The following ADGRL4 variants were observed in gnomAD, a reference collection of about 807,000 sequenced individuals.
ADGRL4 encodes EGF, latrophilin and seven transmembrane domain containing 1.
ADGRL4 carries 90 observed loss-of-function variants against 74.8 expected under a neutral mutation model. That is an observed-to-expected ratio of 1.20 (90% CI 1.02 to 1.43). The LOEUF (loss-of-function observed/expected upper bound fraction) is 1.43. Among genes scored for constraint, ADGRL4 ranks in the 40% most tolerant of loss-of-function variants. ADGRL4 has a pLI of 0.00. For synonymous variants in ADGRL4, 311 were observed against 279.2 expected (o/e 1.11, Z -1.14); for missense variants, 881 against 814.3 (o/e 1.08, Z -1.00).
chr1:79,004,106 T>C (rs1447874803), intron 2 of ADGRL4, among the ~76,000 whole-genome samples: 2 of 152,098 alleles, frequency 1.3e-5, no homozygotes, highest in Admixed American at 1.3e-4. Flanking sequence ...TTGTTTTTGT[T>C]GTAAGCAAAC....
At position 78,897,111 on chromosome 1, in the gene ADGRL4, G is replaced by T. The variant is rs1437076818; in HGVS notation, c.1750-3922C>A. The stretch of plus-strand genomic sequence containing the variant: ...TTTATGGAAATGTAGAGAATGATGA[G>T]TATTCTTTACTGTTTTGTACAATGC... On this transcript the variant is annotated intron_variant, in intron 12 of 14. Transcript: ENST00000370742. Among the ~76,000 whole-genome samples, 4 of 152,148 alleles carry T rather than the reference G, an allele frequency of 2.6e-5. No homozygotes were observed. In the East Asian group the frequency reaches 7.7e-4, roughly 29 times the overall value.
At position 78,927,135 on chromosome 1, in the gene ADGRL4, A is replaced by T. The variant is rs567975792; in HGVS notation, c.878-44T>A. The T allele has an allele frequency of 1.7e-5, 22 of 1,297,832 alleles. No homozygotes were observed. In the Admixed American group the frequency reaches 2.2e-4, roughly 13 times the overall value. The allele number at this position is 1,297,832 out of a possible 1,614,324, so 80.4% of individuals were successfully genotyped here. Reference sequence around the variant, plus strand: ...TATTTAGTGAAATTCTTATAAAACAAAGTGTATTTAGACTCTTAAGATAAA... The same window carrying T: ...TATTTAGTGAAATTCTTATAAAACATAGTGTATTTAGACTCTTAAGATAAA... On this transcript the variant is annotated intron_variant, in intron 7 of 14. Transcript: ENST00000370742.
intron 7 of ADGRL4, among the ~76,000 whole-genome samples, chr1:78,935,020 G>C (rs779851489): frequency 1.3e-5 from 2 of 152,064 alleles, no homozygotes; most frequent in Non-Finnish European, 1.5e-5. Context: ...TAGAACCAGA[G>C]ACACCCTATT....
In ADGRL4 at chr1:78,917,265, C is replaced by T. The variant is rs185425013; in HGVS notation, c.1749+369G>A. 3.5e-3 allele frequency among the ~76,000 whole-genome samples: 536 copies of T among 151,724 alleles called. 6 individuals are homozygous for T. Among genetic ancestry groups the T allele is most frequent in the African/African-American group, 0.012 (509 of 41,442 alleles). On this transcript the variant is annotated intron_variant, in intron 12 of 14. Transcript: ENST00000370742. Reference sequence around the variant, plus strand: ...GCACACTCTGTGTGTTGAAGCATGCCGAGGTATTACTGATAAGCAAAAAAT... The same window carrying T: ...GCACACTCTGTGTGTTGAAGCATGCTGAGGTATTACTGATAAGCAAAAAAT...
intron 2 of ADGRL4, among the ~76,000 whole-genome samples, chr1:78,953,504 C>T (rs766508021): frequency 2.0e-5 from 3 of 152,092 alleles, no homozygotes; most frequent in African/African-American, 7.2e-5. Context: ...TAGAGTAACA[C>T]GTTATGTCAC....
chr1:78,944,544 C>A (rs897326717), intron 3 of ADGRL4, among the ~76,000 whole-genome samples: 2 of 152,040 alleles, frequency 1.3e-5, no homozygotes, highest in African/African-American at 4.8e-5. Context: ...GTAAAATTAC[C>A]ATTCAACAGT....
At chr1:78,961,589 T>A (rs911133969) in intron 2 of ADGRL4, among the ~76,000 whole-genome samples, 1 of 152,184 alleles carries the variant, frequency 6.6e-6, no homozygotes, top group Non-Finnish European at 1.5e-5. Flanking sequence ...AAGTTTCACT[T>A]TCTAAGATGC....
chr1:78,908,367 C>A (rs971257695), intron 12 of ADGRL4, among the ~76,000 whole-genome samples: 1 of 151,974 alleles, frequency 6.6e-6, no homozygotes, highest in African/African-American at 2.4e-5. Flanking sequence ...AAAGAATGCA[C>A]ATAATTTGCC....
At chr1:78,897,534 G>A (rs955845684) in intron 12 of ADGRL4, among the ~76,000 whole-genome samples, 1 of 151,990 alleles carries the variant, frequency 6.6e-6, no homozygotes, top group African/African-American at 2.4e-5. Context: ...TGATTTCAGA[G>A]TTGGGCCAAT....
At chr1:78,907,854 C>T (rs1167108587) in intron 12 of ADGRL4, among the ~76,000 whole-genome samples, 1 of 151,828 alleles carries the variant, frequency 6.6e-6, no homozygotes, top group African/African-American at 2.4e-5. Flanking sequence ...AGAACATGCA[C>T]TTCTAGGTAA....
intron 8 of ADGRL4, among the ~76,000 whole-genome samples, chr1:78,924,862 A>T (rs1649079560): frequency 6.6e-6 from 1 of 152,122 alleles, no homozygotes; most frequent in Non-Finnish European, 1.5e-5. Context: ...TGTGTATCAC[A>T]GCAGAAGATG....
At chr1:79,002,184 C>A (rs1249397358) in intron 2 of ADGRL4, among the ~76,000 whole-genome samples, 1 of 152,018 alleles carries the variant, frequency 6.6e-6, no homozygotes, top group African/African-American at 2.4e-5. Context: ...AATAATGGAA[C>A]ATATACATCC....
intron 2 of ADGRL4, among the ~76,000 whole-genome samples, chr1:78,985,780 C>A (rs1315776651): frequency 6.6e-6 from 1 of 151,736 alleles, no homozygotes; most frequent in Non-Finnish European, 1.5e-5. Flanking sequence ...AACCTAAATG[C>A]TCATCAGTGG....
In ADGRL4 at chr1:78,893,153, CTT is replaced by C; in HGVS notation, c.1784_1785del (p.Lys595SerfsTer13). 1.9e-6 allele frequency: 3 copies of C among 1,599,436 alleles called. No individual in the cohort carries two copies. The highest frequency in any genetic ancestry group is 8.5e-7 in the Non-Finnish European group (1 of 1,174,030). On this transcript the variant is annotated frameshift_variant, in exon 13 of 15. Coordinates refer to ENST00000370742, the MANE Select transcript of ADGRL4 (RefSeq NM_022159.4). LOFTEE classifies it high-confidence loss of function. ...NLLAFGVIIYKVFRHTAGLKP... is the reference protein window; with the variant it reads ...NLLAFGVIIYXVFRHTAGLKP... ...TTCAACCCTGCAGTGTGACGAAAAA[CTT>C]TGTATATGATGACTCCAAAAGCCAA...
Position 78,946,319 on chromosome 1 carries a change from T to C in ADGRL4, c.280A>G (p.Ser94Gly), listed in dbSNP as rs767361901. ...TTAGTGATAAACCTGTCTTGGTTAC[T>C]GCTGGATCTGAAGCCAGGTACACAC... is the stretch of plus-strand genomic sequence containing the variant. ...CMCVPGFRSSSNQDRFITNDG... is the reference protein window; with the variant it reads ...CMCVPGFRSSGNQDRFITNDG... Residue 94 changes from serine (S) to glycine (G), a missense_variant, in exon 3 of 15, where the codon AGT becomes GGT. By Grantham distance (56) the Ser-to-Gly change is moderately conservative. Transcript: ENST00000370742. The C allele has an allele frequency of 6.2e-7, 1 of 1,613,394 alleles. No homozygotes were observed. The highest frequency in any genetic ancestry group is 1.7e-5 in the Admixed American group (1 of 59,966).
In ADGRL4 at chr1:78,960,427, C is replaced by G. The variant is rs34120466; in HGVS notation, c.173-14001G>C. 2.0e-5 allele frequency among the ~76,000 whole-genome samples: 3 copies of G among 152,036 alleles called. 1 individual carries two copies. The highest frequency in any genetic ancestry group is 6.6e-5 in the Admixed American group (1 of 15,266). ...CATAAATTTGACAATGAATCTGATT[C>G]GTGGATCTTGAAACAATAATTATAG... is the stretch of plus-strand genomic sequence containing the variant. On this transcript the variant is annotated intron_variant, in intron 2 of 14. Coordinates refer to ENST00000370742, the MANE Select transcript of ADGRL4 (RefSeq NM_022159.4).
chr1:78,945,616 A>T (rs1242785425), intron 3 of ADGRL4, among the ~76,000 whole-genome samples: 3 of 152,128 alleles, frequency 2.0e-5, no homozygotes, highest in African/African-American at 7.2e-5. Flanking sequence ...CCAAATTACA[A>T]TAGAAGGATA....
chr1:78,966,466 C>T (rs929062432), intron 2 of ADGRL4, among the ~76,000 whole-genome samples: 5 of 152,110 alleles, frequency 3.3e-5, no homozygotes, highest in East Asian at 1.9e-4. Context: ...TCTTGAGAAG[C>T]GGTGAGTAAA....
At chr1:78,958,610 G>A (rs111413770) in intron 2 of ADGRL4, among the ~76,000 whole-genome samples, 4,681 of 152,258 alleles carry the variant, frequency 0.031, 90 homozygotes, top group South Asian at 0.053. Flanking sequence ...TGATGGATGA[G>A]GAGTTGCTTC....
Sources: allele counts gnomAD v4.1 joint callset (sites outside exome capture counted in the v4.1 genomes callset), GRCh38; gene constraint gnomAD v4.1.1; transcripts MANE v1.5; gene names NCBI Gene and HGNC (gene_info 2026-07-23, HGNC 2026-07-21).